The following EMC8 variants were observed in gnomAD, a reference collection of about 807,000 sequenced individuals.
EMC8 encodes COX4 neighbor.
A neutral mutation model predicts 24.3 loss-of-function variants in EMC8; 11 were observed. The ratio of observed to expected loss-of-function variants is 0.45; its 90% CI spans 0.28 to 0.75. EMC8 has a LOEUF of 0.75. EMC8 is among the 30% of genes least tolerant of loss of function. The pLI is 0.12. For missense variants in EMC8, 277 were observed against 282.7 expected (o/e 0.98, Z 0.14); for synonymous variants, 145 against 117.7 (o/e 1.23, Z -1.50).
intron 3 of EMC8, chr16:85,780,768 G>T: frequency 2.0e-6 from 1 of 498,616 alleles, no homozygotes; most frequent in East Asian, 3.6e-5. Flanking sequence ...GGCCCTTGAT[G>T]TCATCTGCTC....
rs35671062 is a variant in EMC8 at position 85,791,125 on chromosome 16, A to AT, written c.232-2076dup. ...TTACAGGCACAAGCCACCATGCCCA[A>AT]TTTTTTTTTTTTAAGGCAAGAAATA... On this transcript the variant is annotated intron_variant, in intron 1 of 4. Transcript: ENST00000253457. 8.0e-5 allele frequency among the ~76,000 whole-genome samples: 12 copies of AT among 149,850 alleles called. No individual in the cohort carries two copies. The East Asian group carries it at 1.4e-3, about 17-fold the overall frequency.
chr16:85,786,573 G>A (rs999121413), intron 2 of EMC8, among the ~76,000 whole-genome samples: 4 of 152,152 alleles, frequency 2.6e-5, no homozygotes, highest in African/African-American at 7.2e-5. Flanking sequence ...GGGAGGGGGA[G>A]GTGGATTCCC....
At chr16:85,783,748 C>T (rs1029114269) in intron 2 of EMC8, among the ~76,000 whole-genome samples, 2 of 152,186 alleles carry the variant, frequency 1.3e-5, no homozygotes, top group African/African-American at 4.8e-5. Context: ...TCCCGTCTGG[C>T]CCTCCACACC....
Position 85,799,341 on chromosome 16 carries a change from C to T in EMC8, c.-46G>A, listed in dbSNP as rs1463784202. 7 of 1,287,842 alleles carry T rather than the reference C, an allele frequency of 5.4e-6. No homozygotes were observed. The highest frequency in any genetic ancestry group is 7.3e-6 in the Non-Finnish European group (7 of 961,480). 79.8% of individuals were successfully genotyped at this position (1,287,842 alleles called of 1,614,324 possible). On this transcript the variant is annotated 5_prime_UTR_variant, in exon 1 of 5. Coordinates refer to ENST00000253457, the MANE Select transcript of EMC8 (RefSeq NM_006067.5). This position sits in a 1 kb window ranked among gnomAD's most constrained non-coding sequence, Gnocchi z 4.2. ...GAGGCCCCTGGGCGCGCGGCTGAGG[C>T]CTGGACCCGCTGCCTGGCCGCGCGG...
Position 85,799,058 on chromosome 16 carries a change from C to T in EMC8, c.231+7G>A. 2 of 1,531,634 alleles carry T rather than the reference C, an allele frequency of 1.3e-6. No individual in the cohort carries two copies. The highest frequency in any genetic ancestry group is 2.0e-5 in the Admixed American group (1 of 50,634). The allele number at this position is 1,531,634 out of a possible 1,614,324, so 94.9% of individuals were successfully genotyped here. ...CTGCAAGGGGAAGGGGCCCTTTCCGCGCTTACCAGGGTGAGAGCCACCTCC... is the reference window on the plus strand; with the variant it reads ...CTGCAAGGGGAAGGGGCCCTTTCCGTGCTTACCAGGGTGAGAGCCACCTCC... On this transcript the variant is annotated splice_region_variant and intron_variant, in intron 1 of 4. Transcript: ENST00000253457. This position sits in a 1 kb window ranked among gnomAD's most constrained non-coding sequence, Gnocchi z 4.2.
Position 85,779,332 on chromosome 16 carries a change from GCTTTT to G in EMC8, c.*371_*375del, listed in dbSNP as rs1270680383. 1 of 46,360 alleles carries G rather than the reference GCTTTT, an allele frequency of 2.2e-5. No individual in the cohort carries two copies. Among genetic ancestry groups the G allele is most frequent in the Non-Finnish European group, 5.1e-5 (1 of 19,734 alleles). 2.9% of individuals were successfully genotyped at this position (46,360 alleles called of 1,614,324 possible). A position where few individuals can be genotyped will look rare whatever the true frequency, so the allele number is the denominator to read the frequency against. Reference sequence around the variant, plus strand: ...ACACTCATTGGAGTATAAGATGTGGGCTTTTTTTTTTTTTTTTAAAAAAAGATAGT... The same window carrying G: ...ACACTCATTGGAGTATAAGATGTGGGTTTTTTTTTTTTAAAAAAAGATAGT... On this transcript the variant is annotated 3_prime_UTR_variant, in exon 5 of 5. Coordinates refer to ENST00000253457, the MANE Select transcript of EMC8 (RefSeq NM_006067.5).
intron 2 of EMC8, among the ~76,000 whole-genome samples, chr16:85,788,330 C>T (rs1212975397): frequency 6.6e-6 from 1 of 152,250 alleles, no homozygotes; most frequent in African/African-American, 2.4e-5. Context: ...TTGTTTACAG[C>T]ACGACCCCCT....
intron 2 of EMC8, among the ~76,000 whole-genome samples, chr16:85,788,447 C>T (rs565173598): frequency 2.0e-5 from 3 of 152,342 alleles, no homozygotes; most frequent in East Asian, 3.9e-4. Flanking sequence ...ACCAAGATGA[C>T]GCAGACATAT....
rs776446212 is a variant in EMC8, at chr16:85,779,708, C to T, written c.633G>A (p.Ter211=). ...EINKAVLHLC[*] Reference sequence around the variant, plus strand: ...GGAGCCCAGTCACAGCGGTGCCTGCCTAGCACAAGTGTAGGACAGCTTTAT... The same window carrying T: ...GGAGCCCAGTCACAGCGGTGCCTGCTTAGCACAAGTGTAGGACAGCTTTAT... The change falls in exon 5 of 5, where the codon TAG becomes TAA. Residue 211 remains the stop codon, a stop_retained_variant. Transcript: ENST00000253457. 3 of 1,613,978 alleles carry T rather than the reference C, an allele frequency of 1.9e-6. No homozygotes were observed. Among genetic ancestry groups the T allele is most frequent in the South Asian group, 1.1e-5 (1 of 91,062 alleles).
At chr16:85,792,406 G>C (rs138325021) in intron 1 of EMC8, 38 of 152,316 alleles carry the variant, frequency 2.5e-4, no homozygotes, top group African/African-American at 9.1e-4. Flanking sequence ...TGACACACAT[G>C]AGAATAACCA....
chr16:85,788,764 A>G, intron 2 of EMC8: 2 of 585,866 alleles, frequency 3.4e-6, no homozygotes, highest in Non-Finnish European at 6.0e-6. Context: ...AGAAGACACA[A>G]AACAGAATTC....
At chr16:85,798,754 G>A (rs1905407502) in intron 1 of EMC8, 2 of 340,162 alleles carry the variant, frequency 5.9e-6, no homozygotes, top group South Asian at 9.7e-5. Context: ...AAACTCTGTC[G>A]AATCCCCACC....
At position 85,780,710 on chromosome 16, in the gene EMC8, C is replaced by G. The variant is rs1904451384; in HGVS notation, c.379-237G>C. 23 of 558,084 alleles carry G rather than the reference C, an allele frequency of 4.1e-5. No individual in the cohort carries two copies. The South Asian group carries it at 4.6e-4, about 11-fold the overall frequency. The allele number at this position is 558,084 out of a possible 1,614,324, so 34.6% of individuals were successfully genotyped here. On this transcript the variant is annotated intron_variant, in intron 3 of 4. Coordinates refer to ENST00000253457, the MANE Select transcript of EMC8 (RefSeq NM_006067.5). ...ACAAAAGCGAAGCTTCCAAACATGA[C>G]TTCTTCCCTCATCCTAGGATTCTGT...
chr16:85,798,764 C>G (rs1905409386), intron 1 of EMC8: 1 of 364,064 alleles, frequency 2.7e-6, no homozygotes, highest in Non-Finnish European at 4.9e-6. Context: ...GAATCCCCAC[C>G]AAGTGAACGA....
intron 1 of EMC8, among the ~76,000 whole-genome samples, chr16:85,798,213 C>T (rs1352356395): frequency 2.8e-5 from 4 of 144,958 alleles, no homozygotes; most frequent in African/African-American, 1.0e-4. Context: ...CCTCTGCCTC[C>T]TGGGTTCAAG....
chr16:85,785,375 G>T (rs1415542601), intron 2 of EMC8, among the ~76,000 whole-genome samples: 1 of 152,146 alleles, frequency 6.6e-6, no homozygotes, highest in Non-Finnish European at 1.5e-5. Flanking sequence ...TTCGAGACCA[G>T]CCTGGCCAAC....
chr16:85,788,435 G>C (rs1227338064), intron 2 of EMC8, among the ~76,000 whole-genome samples: 1 of 152,236 alleles, frequency 6.6e-6, no homozygotes, highest in African/African-American at 2.4e-5. Flanking sequence ...TTTTCTGTTG[G>C]GACCAAGATG....
intron 1 of EMC8, among the ~76,000 whole-genome samples, chr16:85,790,193 T>A (rs556971824): frequency 6.6e-6 from 1 of 151,980 alleles, no homozygotes; most frequent in Non-Finnish European, 1.5e-5. Flanking sequence ...AAAATGGATG[T>A]GTGTGTTTTT....
chr16:85,794,122 G>A (rs574524935), intron 1 of EMC8, among the ~76,000 whole-genome samples: 1 of 152,218 alleles, frequency 6.6e-6, no homozygotes. Flanking sequence ...CATGGATTTA[G>A]ATGCTTTGTG....
Sources: allele counts gnomAD v4.1 joint callset (sites outside exome capture counted in the v4.1 genomes callset), GRCh38; gene constraint gnomAD v4.1.1; non-coding constraint Gnocchi (gnomAD v3.1); transcripts MANE v1.5; gene names NCBI Gene and HGNC (gene_info 2026-07-23, HGNC 2026-07-21).